Variants in RP1 observed in about 807,000 individuals in gnomAD.
The protein encoded by RP1 is RP1 axonemal microtubule associated, also known as oxygen-regulated protein 1.
Under a neutral mutation model 14.8 loss-of-function variants are expected in RP1, and 16 were observed. The ratio of observed to expected loss-of-function variants is 1.08; its 90% confidence interval spans 0.73 to 1.65. The LOEUF (loss-of-function observed/expected upper bound fraction) is 1.65, where lower values mean the gene tolerates loss of function less well. Ranked by LOEUF, RP1 falls within the 40% of genes most tolerant of loss-of-function variation. The pLI is 0.00. For synonymous variants in RP1, 876 were observed against 883.6 expected (o/e 0.99, Z 0.15); for missense variants, 2,631 against 2,535.0 (o/e 1.04, Z -0.81).
At chr8:54,652,967 A>G in intron 5 of RP1, 2 of 747,610 alleles carry the variant, frequency 2.7e-6, no homozygotes, top group East Asian at 5.4e-5. Context: ...AGAGTCCTGT[A>G]CCTTTTTAGC....
At chr8:54,701,885 T>C (rs1458875750) in intron 14 of RP1, among the ~76,000 whole-genome samples, 2 of 152,170 alleles carry the variant, frequency 1.3e-5, no homozygotes, top group Non-Finnish European at 2.9e-5. Flanking sequence ...CTGTATGTAA[T>C]TGAAGTTGGA....
intron 5 of RP1, among the ~76,000 whole-genome samples, chr8:54,653,543 G>A (rs1806697409): frequency 6.6e-6 from 1 of 152,256 alleles, no homozygotes; most frequent in Non-Finnish European, 1.5e-5. Flanking sequence ...CTCTTCTTGA[G>A]TTTTAACATG....
intron 18 of RP1, chr8:54,734,854 G>T: frequency 1.2e-6 from 1 of 866,582 alleles, no homozygotes; most frequent in South Asian, 3.8e-5. Context: ...ATGAACCTCT[G>T]GTCTTTTAGA....
At chr8:54,649,116 C>G in exon 4 of RP1, 1 of 1,510,718 alleles carries the variant, frequency 6.6e-7, no homozygotes, top group Non-Finnish European at 8.8e-7. Context: ...AGATGGGGCT[C>G]GATTTCAGGT....
At chr8:54,621,703 G>T (rs1447597740) in intron 2 of RP1, 122 bp downstream of exon 2, 1 of 1,378,448 alleles carries the variant, frequency 7.3e-7, no homozygotes, top group Non-Finnish European at 1.0e-6. Context: ...GCCTGTGTAT[G>T]TGAGTGTGTG....
intron 25 of RP1, among the ~76,000 whole-genome samples, chr8:54,839,931 A>G (rs1256651314): frequency 1.3e-5 from 2 of 152,190 alleles, no homozygotes; most frequent in Non-Finnish European, 2.9e-5. Context: ...TTAACACATC[A>G]TAAAGCTCCT....
At chr8:54,656,086 C>A (rs1028073718) in exon 6 of RP1, 20 of 1,525,648 alleles carry the variant, frequency 1.3e-5, no homozygotes, top group Non-Finnish European at 1.8e-5. Context: ...ATTATAGATA[C>A]AGCTGCATAA....
At chr8:54,648,913 G>C in intron 3 of RP1, 1 of 1,126,738 alleles carries the variant, frequency 8.9e-7, no homozygotes, top group Non-Finnish European at 1.2e-6. Flanking sequence ...CTAGTTTTAT[G>C]ATGACCTGCT....
chr8:54,590,381 C>G (rs1018615102), intron 1 of RP1, among the ~76,000 whole-genome samples: 1 of 152,140 alleles, frequency 6.6e-6, no homozygotes, highest in African/African-American at 2.4e-5. Context: ...TACCACTCCA[C>G]TACTGTGGCC....
chr8:54,638,983 T>A (rs1203239583), intron 3 of RP1, among the ~76,000 whole-genome samples: 2 of 152,106 alleles, frequency 1.3e-5, no homozygotes, highest in Non-Finnish European at 2.9e-5. Context: ...TATGATTTGA[T>A]GGGTTTTGAC....
chr8:54,752,737 C>T (rs535882997), intron 19 of RP1, among the ~76,000 whole-genome samples: 56 of 152,164 alleles, frequency 3.7e-4, no homozygotes, highest in Non-Finnish European at 7.5e-4. Flanking sequence ...GTAGACACAC[C>T]AGTTTCTCTA....
chr8:54,736,671 C>G (rs1171314590), intron 18 of RP1, among the ~76,000 whole-genome samples: 2 of 152,006 alleles, frequency 1.3e-5, no homozygotes, highest in Non-Finnish European at 2.9e-5. Context: ...AGATTATTAC[C>G]TCAGTGGTGG....
intron 24 of RP1, among the ~76,000 whole-genome samples, chr8:54,810,536 T>C (rs1361635340): frequency 2.0e-5 from 3 of 152,234 alleles, no homozygotes; most frequent in Non-Finnish European, 4.4e-5. Flanking sequence ...TGAATTATTT[T>C]TTTCCTTCTA....
At chr8:54,811,772 G>C (rs947959034) in intron 24 of RP1, among the ~76,000 whole-genome samples, 1 of 152,208 alleles carries the variant, frequency 6.6e-6, no homozygotes, top group African/African-American at 2.4e-5. Flanking sequence ...ACTGATTCAA[G>C]TTCATATCTT....
At chr8:54,732,350 A>G (rs532137739) in intron 17 of RP1, among the ~76,000 whole-genome samples, 33 of 152,246 alleles carry the variant, frequency 2.2e-4, no homozygotes, top group African/African-American at 7.7e-4. Flanking sequence ...GTTTTCCATG[A>G]AGGTATTTGA....
At chr8:54,638,934 A>G (rs1806406227) in intron 3 of RP1, among the ~76,000 whole-genome samples, 1 of 151,354 alleles carries the variant, frequency 6.6e-6, no homozygotes, top group South Asian at 2.1e-4. Context: ...TTATTTGGGT[A>G]TAATTTACAT....
At chr8:54,859,041 G>T (rs1335960208) in intron 27 of RP1, among the ~76,000 whole-genome samples, 2 of 151,890 alleles carry the variant, frequency 1.3e-5, no homozygotes, top group African/African-American at 4.8e-5. Flanking sequence ...TTGTAAAGCA[G>T]TGTCACCATA....
intron 1 of RP1, among the ~76,000 whole-genome samples, chr8:54,583,819 T>C (rs1013334048): frequency 3.7e-4 from 57 of 152,238 alleles, no homozygotes; most frequent in African/African-American, 1.3e-3. Flanking sequence ...TGATGGTAGT[T>C]AGTATTTCTG....
intron 19 of RP1, among the ~76,000 whole-genome samples, chr8:54,743,607 T>C (rs1256924481): frequency 6.6e-6 from 1 of 152,172 alleles, no homozygotes; most frequent in Non-Finnish European, 1.5e-5. Flanking sequence ...TCATCCTTCA[T>C]TTTTTCCTGT....
Sources: allele counts gnomAD v4.1 joint callset (sites outside exome capture counted in the v4.1 genomes callset), GRCh38; gene constraint gnomAD v4.1.1; transcripts MANE v1.5; gene names NCBI Gene and HGNC (gene_info 2026-07-23, HGNC 2026-07-21).